SGCZ: variants seen among roughly 807,000 people sequenced by gnomAD.
SGCZ encodes zeta-sarcoglycan.
Under a neutral mutation model 41.3 loss-of-function variants are expected in SGCZ, and 40 were observed. The ratio of observed to expected loss-of-function variants is 0.97; its 90% CI spans 0.75 to 1.26. The LOEUF is 1.26. SGCZ is among the 50% of genes most tolerant of loss of function. SGCZ has a pLI of 0.00. For synonymous variants in SGCZ, 206 were observed against 137.5 expected, an observed-to-expected ratio of 1.50 and a Z score of -3.49; for missense variants, 552 against 369.8, an observed-to-expected ratio of 1.49 and a Z score of -4.04.
intron 2 of SGCZ, among the ~76,000 whole-genome samples, chr8:14,367,517 T>C (rs1280325364): frequency 6.6e-6 from 1 of 152,108 alleles, no homozygotes; most frequent in Non-Finnish European, 1.5e-5. Context: ...AGGCATGTTA[T>C]AAAGAATAAG....
intron 1 of SGCZ, among the ~76,000 whole-genome samples, chr8:14,651,958 G>A (rs566568035): frequency 6.6e-6 from 1 of 151,558 alleles, no homozygotes; most frequent in Non-Finnish European, 1.5e-5. Context: ...TAAAAAAAAA[G>A]CAAACAAAAA....
intron 2 of SGCZ, among the ~76,000 whole-genome samples, chr8:14,542,939 A>G (rs1055047962): frequency 6.6e-6 from 1 of 151,978 alleles, no homozygotes; most frequent in African/African-American, 2.4e-5. Context: ...TGACATATAT[A>G]GGGCCTTAAA....
rs140579037 is a variant in SGCZ, at chr8:14,424,195, G to A, written c.235-99991C>T. Among the ~76,000 whole-genome samples, 14 of 152,226 alleles carry A rather than the reference G, an allele frequency of 9.2e-5. No individual in the cohort carries two copies. The East Asian group carries it at 2.5e-3, about 27-fold the overall frequency. On this transcript the variant is annotated intron_variant, in intron 2 of 7. Transcript: ENST00000382080. ...AAAAATAAGCTGTGAAGTGTAAGGA[G>A]GGCGGGATAAAAACCATAGTAGTAG...
chr8:14,186,498 T>C (rs1585211862), intron 4 of SGCZ, among the ~76,000 whole-genome samples: 1 of 152,140 alleles, frequency 6.6e-6, no homozygotes, highest in Non-Finnish European at 1.5e-5. Context: ...GGTTCTTTCA[T>C]AGGATGGAGG....
intron 1 of SGCZ, among the ~76,000 whole-genome samples, chr8:14,834,502 G>C (rs570296404): frequency 2.4e-4 from 36 of 152,220 alleles, no homozygotes; most frequent in Non-Finnish European, 4.9e-4. Context: ...GGCTGCCAAA[G>C]AGTTCCCCAC....
chr8:14,533,491 C>G (rs1381408), intron 2 of SGCZ, among the ~76,000 whole-genome samples: 1 of 151,660 alleles, frequency 6.6e-6, no homozygotes, highest in African/African-American at 2.4e-5. Flanking sequence ...AAAAACATTA[C>G]TAGATTTACA....
intron 1 of SGCZ, among the ~76,000 whole-genome samples, chr8:15,156,319 A>C (rs1799329959): frequency 1.3e-5 from 2 of 152,162 alleles, no homozygotes; most frequent in South Asian, 4.1e-4. Context: ...ACGCAGAAAT[A>C]AGAAATAAAT....
rs535663680 is a variant in SGCZ at position 14,455,869 on chromosome 8, G to T, written c.234+98863C>A. ...AAGTACAAAAGAGTGTTTGCAGTAT[G>T]CTACCTCTCATGTGAAAAAGGAGTT... On this transcript the variant is annotated intron_variant, in intron 2 of 7. Coordinates refer to ENST00000382080, the MANE Select transcript of SGCZ (RefSeq NM_139167.4). Among the ~76,000 whole-genome samples, 50 of 152,294 alleles carry T rather than the reference G, an allele frequency of 3.3e-4. 1 individual carries two copies. Among genetic ancestry groups the T allele is most frequent in the African/African-American group, 1.2e-3 (48 of 41,572 alleles).
chr8:14,747,691 A>ATTATTAT (rs571553565), intron 1 of SGCZ, among the ~76,000 whole-genome samples: 2 of 131,722 alleles, frequency 1.5e-5, no homozygotes, highest in African/African-American at 5.3e-5. Context: ...TATTATTATT[A>ATTATTAT]TGTGTGTGTG....
At chr8:15,030,106 A>G (rs1803604099) in intron 1 of SGCZ, among the ~76,000 whole-genome samples, 1 of 152,162 alleles carries the variant, frequency 6.6e-6, no homozygotes. Context: ...TACAGAATAT[A>G]GTGGTTCTTG....
At chr8:14,820,266 G>A (rs1802034393) in intron 1 of SGCZ, among the ~76,000 whole-genome samples, 1 of 151,904 alleles carries the variant, frequency 6.6e-6, no homozygotes, top group South Asian at 2.1e-4. Flanking sequence ...AGACTGAAGA[G>A]ACATCATTAT....
At chr8:14,229,547 C>T (rs1806487626) in intron 4 of SGCZ, among the ~76,000 whole-genome samples, 1 of 151,796 alleles carries the variant, frequency 6.6e-6, no homozygotes, top group Admixed American at 6.6e-5. Flanking sequence ...AGTATTAAAC[C>T]TAAGTATTTT....
chr8:15,141,510 T>C (rs898523517), intron 1 of SGCZ, among the ~76,000 whole-genome samples: 1 of 152,208 alleles, frequency 6.6e-6, no homozygotes, highest in Admixed American at 6.5e-5. Context: ...AGGAAGTAAT[T>C]GTACTCTCAA....
chr8:14,561,816 T>C (rs967296705), intron 1 of SGCZ, among the ~76,000 whole-genome samples: 7 of 152,186 alleles, frequency 4.6e-5, no homozygotes, highest in Admixed American at 2.0e-4. Flanking sequence ...CAGTATTTTA[T>C]CTAATAATGT....
intron 1 of SGCZ, among the ~76,000 whole-genome samples, chr8:15,031,578 G>A (rs1451493338): frequency 6.6e-6 from 1 of 152,176 alleles, no homozygotes; most frequent in African/African-American, 2.4e-5. Context: ...TAATGGCCAA[G>A]AAAGTCAAGG....
intron 1 of SGCZ, among the ~76,000 whole-genome samples, chr8:15,110,660 G>T (rs1484553258): frequency 2.0e-5 from 3 of 152,182 alleles, no homozygotes; most frequent in African/African-American, 7.2e-5. Context: ...GCACTAGCCA[G>T]CACCTTCATA....
chr8:14,522,060 G>C (rs1029059048), intron 2 of SGCZ, among the ~76,000 whole-genome samples: 1 of 152,050 alleles, frequency 6.6e-6, no homozygotes, highest in African/African-American at 2.4e-5. Flanking sequence ...TAACCTGGTA[G>C]GTTACATGAT....
At chr8:14,848,424 G>A (rs911403591) in intron 1 of SGCZ, among the ~76,000 whole-genome samples, 16 of 152,112 alleles carry the variant, frequency 1.1e-4, no homozygotes, top group African/African-American at 3.6e-4. Context: ...GAACCAAATA[G>A]GAGGATTAAC....
intron 1 of SGCZ, among the ~76,000 whole-genome samples, chr8:14,681,681 G>A (rs944048048): frequency 2.6e-5 from 4 of 152,052 alleles, no homozygotes; most frequent in Non-Finnish European, 5.9e-5. Context: ...ATATTACTCA[G>A]ATCTAAAATA....
Sources: gnomAD v4.1 joint callset for allele counts (sites outside exome capture counted in the v4.1 genomes callset) on GRCh38, gnomAD v4.1.1 for gene constraint, MANE v1.5 for transcripts, NCBI Gene and HGNC (gene_info 2026-07-23, HGNC 2026-07-21) for gene names.